Variants in PROM2 observed in about 807,000 individuals in gnomAD.
The protein encoded by PROM2 is prominin 2.
Under a neutral mutation model 110.2 loss-of-function variants are expected in PROM2, and 90 were observed. The ratio of observed to expected loss-of-function variants is 0.82; its 90% CI spans 0.69 to 0.97. The LOEUF is 0.97. Among genes scored for constraint, PROM2 ranks in the 50% least tolerant of loss-of-function variants. The pLI is 0.00. For missense variants in PROM2, 1,009 were observed against 1,074.8 expected, an observed-to-expected ratio of 0.94 and a Z score of 0.86; for synonymous variants, 470 against 467.8, an observed-to-expected ratio of 1.00 and a Z score of -0.06.
rs556206270 is a variant in PROM2, at chr2:95,277,580, A to T, written c.975+14A>T. On this transcript the variant is annotated intron_variant, in intron 7 of 23. Transcript: ENST00000317620. ...GACTTCAGCCAGGTGCAGACCCAGG[A>T]CAGAGTCCTCTTAAAGCCACGGAGG... is the stretch of plus-strand genomic sequence containing the variant. The T allele has an allele frequency of 1.3e-6, 2 of 1,534,846 alleles. No homozygotes were observed. The highest frequency in any genetic ancestry group is 4.5e-5 in the East Asian group (2 of 44,074).
In PROM2 at chr2:95,288,265, C is replaced by A; in HGVS notation, c.2299C>A (p.Arg767Ser). 2 of 1,614,134 alleles carry A rather than the reference C, an allele frequency of 1.2e-6. No individual in the cohort carries two copies. Among genetic ancestry groups the A allele is most frequent in the Non-Finnish European group, 1.7e-6 (2 of 1,180,032 alleles). Residue 767 changes from arginine to serine, a missense_variant, in exon 21 of 24, where the codon CGT (arginine) becomes AGT (serine). Coordinates refer to ENST00000317620, the MANE Select transcript of PROM2 (RefSeq NM_001165978.3). Reference sequence around the variant, plus strand: ...CCTCTCCGGAGCCCTGGACAACAGCCGTGTGATCCTGTGTGACATGATGGC... The same window carrying A: ...CCTCTCCGGAGCCCTGGACAACAGCAGTGTGATCCTGTGTGACATGATGGC... ...QPLSGALDNS[R>S]VILCDMMADP...
chr2:95,288,110 C>G, intron 20 of PROM2, 101 bp from the exon 21 acceptor site: 1 of 1,168,264 alleles, frequency 8.6e-7, no homozygotes, highest in Non-Finnish European at 1.3e-6. Flanking sequence ...TGTCCCCAGG[C>G]CTTTCTGTGT....
At chr2:95,284,588 A>T (rs1207286856) in intron 14 of PROM2, among the ~76,000 whole-genome samples, 1 of 152,214 alleles carries the variant, frequency 6.6e-6, no homozygotes, top group African/African-American at 2.4e-5. Flanking sequence ...TGGCACCGGC[A>T]GCCGTTTCTG....
intron 9 of PROM2, 29 bp downstream of exon 9, chr2:95,278,813 C>G: frequency 1.9e-6 from 3 of 1,613,736 alleles, no homozygotes; most frequent in South Asian, 1.1e-5. Context: ...GAGGCAGCTG[C>G]CAGGCATGGC....
chr2:95,277,064 G>T lies in PROM2; in HGVS notation c.772+3G>T. The stretch of plus-strand genomic sequence containing the variant: ...GGCCGTGGGCAGTTTGGGCCAGGGT[G>T]AGCTGGAGCCGCATCCTGGATAGTG... On this transcript the variant is annotated splice_donor_region_variant and intron_variant, in intron 6 of 23. Transcript: ENST00000317620. The T allele has an allele frequency of 6.5e-7, 1 of 1,550,368 alleles. No individual in the cohort carries two copies. Among genetic ancestry groups the T allele is most frequent in the Non-Finnish European group, 8.7e-7 (1 of 1,146,448 alleles).
At chr2:95,279,622 C>T (rs1676921669) in intron 10 of PROM2, among the ~76,000 whole-genome samples, 1 of 152,158 alleles carries the variant, frequency 6.6e-6, no homozygotes, top group African/African-American at 2.4e-5. Flanking sequence ...AGCCAAGACC[C>T]CTGACTCCAG....
rs776077038 is a variant in PROM2, at chr2:95,279,972, G to A, written c.1402G>A (p.Glu468Lys). The change falls in exon 11 of 24, where the codon GAG (glutamate) becomes AAG (lysine). Residue 468 changes from glutamate to lysine, a missense_variant. By Grantham distance (56) the Glu-to-Lys change is moderately conservative. Coordinates refer to ENST00000317620, the MANE Select transcript of PROM2 (RefSeq NM_001165978.3). Reference sequence around the variant, plus strand: ...CCCCAGCCACCCAGAAGCCAAGGGCGAGGCTGGAGCCCGCTTCCTCATGGC... The same window carrying A: ...CCCCAGCCACCCAGAAGCCAAGGGCAAGGCTGGAGCCCGCTTCCTCATGGC... ...DDPSHPEAKG[E>K]AGARFLMAGV... The A allele has an allele frequency of 2.9e-5, 43 of 1,480,108 alleles. No individual in the cohort carries two copies. In the Admixed American group the frequency reaches 4.7e-4, roughly 16 times the overall value. The allele number at this position is 1,480,108 out of a possible 1,614,324, so 91.7% of individuals were successfully genotyped here.
In PROM2 at chr2:95,274,580, G is replaced by C; in HGVS notation, c.-6G>C. ...CTGAGCCTGAGCCCCTTACCTTCCT[G>C]ACCCCATGAAGCACACACTGGCTCT... On this transcript the variant is annotated 5_prime_UTR_variant, in exon 1 of 24. It removes the in-frame stop codon of an upstream open reading frame in the 5' UTR. Coordinates refer to ENST00000317620, the MANE Select transcript of PROM2 (RefSeq NM_001165978.3). 2 of 1,571,284 alleles carry C rather than the reference G, an allele frequency of 1.3e-6. No homozygotes were observed. The highest frequency in any genetic ancestry group is 1.7e-6 in the Non-Finnish European group (2 of 1,156,266).
rs1480656540 is a variant in PROM2 at position 95,279,158 on chromosome 2, C to T, written c.1274+14C>T. On this transcript the variant is annotated intron_variant, in intron 10 of 23. Transcript: ENST00000317620. ...CGAGACCTACAGGTGCTGGGCACCG[C>T]AGGGTGGGATGGGGTGGGGTGGGGT... is the stretch of plus-strand genomic sequence containing the variant. The T allele has an allele frequency of 2.0e-6, 1 of 509,072 alleles. No individual in the cohort carries two copies. The highest frequency in any genetic ancestry group is 2.1e-5 in the South Asian group (1 of 47,636). The allele number at this position is 509,072 out of a possible 1,614,324, so 31.5% of individuals were successfully genotyped here. A position where few individuals can be genotyped will look rare whatever the true frequency, so the allele number is the denominator to read the frequency against.
chr2:95,279,472 T>C (rs1676908530), intron 10 of PROM2, among the ~76,000 whole-genome samples: 1 of 152,030 alleles, frequency 6.6e-6, no homozygotes, highest in South Asian at 2.1e-4. Context: ...AATTTTTGCA[T>C]TTTTAGTAGA....
In PROM2 at chr2:95,285,698, G is replaced by T; in HGVS notation, c.1935G>T (p.Leu645=). Residue 645 remains leucine, a synonymous_variant, in exon 16 of 24, where the codon CTG becomes CTT. Transcript: ENST00000317620. The stretch of plus-strand genomic sequence containing the variant: ...AGCTGGCCCAGGAGCTGCAAGGACT[G>T]GCCCAGGCCCAAGTGAGTGGGAAAC... ...MEQLAQELQG[L]AQAQDNSVLG... The T allele has an allele frequency of 6.2e-7, 1 of 1,600,490 alleles. No individual in the cohort carries two copies. Among genetic ancestry groups the T allele is most frequent in the Non-Finnish European group, 8.5e-7 (1 of 1,173,228 alleles).
In PROM2 at chr2:95,277,972, C is replaced by T. The variant is rs1558742466; in HGVS notation, c.1018C>T (p.Pro340Ser). The change falls in exon 8 of 24, where the codon CCC becomes TCC. Residue 340 changes from proline (P) to serine (S), a missense_variant. Transcript: ENST00000317620. The stretch of plus-strand genomic sequence containing the variant: ...TGTCCTGCACCAGCTAAAAGGTGTC[C>T]CCGAGGCCAACTTCTCCAGCATGGT... Reference protein sequence around the residue: ...DHVLHQLKGVPEANFSSMVQE... With the variant: ...DHVLHQLKGVSEANFSSMVQE... 1.9e-6 allele frequency: 3 copies of T among 1,611,854 alleles called. No individual in the cohort carries two copies. The highest frequency in any genetic ancestry group is 1.7e-6 in the Non-Finnish European group (2 of 1,179,364).
In PROM2 at chr2:95,287,328, G is replaced by C. The variant is rs1175370617; in HGVS notation, c.2176-68G>C. ...GTCCTCAAGTTGCCAGGCATGGGGG[G>C]TGGCGTGGGTGGGGGGCACTGCTGC... On this transcript the variant is annotated intron_variant, in intron 19 of 23. Transcript: ENST00000317620. 9 of 1,577,510 alleles carry C rather than the reference G, an allele frequency of 5.7e-6. No homozygotes were observed. The South Asian group carries it at 8.9e-5, about 16-fold the overall frequency.
intron 23 of PROM2, 43 bp from the exon 24 acceptor site, chr2:95,289,181 C>T: frequency 1.6e-6 from 1 of 609,238 alleles, no homozygotes; most frequent in Admixed American, 2.8e-5. Flanking sequence ...GCCCTGTTCT[C>T]CCCTCCCTCC....
chr2:95,278,927 T>C, intron 9 of PROM2, 58 bp from the exon 10 acceptor site: 1 of 1,600,526 alleles, frequency 6.2e-7, no homozygotes, highest in Admixed American at 1.7e-5. Context: ...CCCGCTTGTC[T>C]TGTTCCTGGG....
chr2:95,288,951 G>A lies in PROM2; in HGVS notation c.2460G>A (p.Glu820=). The A allele has an allele frequency of 6.2e-7, 1 of 1,614,148 alleles. No individual in the cohort carries two copies. The highest frequency in any genetic ancestry group is 8.5e-7 in the Non-Finnish European group (1 of 1,179,992). ...ACTGCAGCTCCACCAGCTCTGAGGA[G>A]ACTCAGCTCTTCCACATCCCCCGGG... ...RKRLSSTSSE[E]TQLFHIPRVT... is the part of the protein sequence containing the mutation. The change falls in exon 23 of 24, where the codon GAG becomes GAA. Residue 820 remains glutamate, a synonymous_variant. Transcript: ENST00000317620.
rs2104575882 is a variant in PROM2, at chr2:95,277,849, C to T, written c.976-81C>T. 3.3e-6 allele frequency: 4 copies of T among 1,212,310 alleles called. No individual in the cohort carries two copies. In the Admixed American group the frequency reaches 5.5e-5, roughly 17 times the overall value. 75.1% of individuals were successfully genotyped at this position (1,212,310 alleles called of 1,614,324 possible). ...TTGAGGACATTGGGGTTCAGAGGCC[C>T]CTGCCCCCCTCATCCACCCTCAGGG... On this transcript the variant is annotated intron_variant, in intron 7 of 23. Transcript: ENST00000317620.
Position 95,275,139 on chromosome 2 carries a change from G to T in PROM2, c.244+310G>T. 1 of 473,366 alleles carries T rather than the reference G, an allele frequency of 2.1e-6. No individual in the cohort carries two copies. The allele number at this position is 473,366 out of a possible 1,614,324, so 29.3% of individuals were successfully genotyped here. ...TTGGGTGGTCCAGGAGTGTCTGAAGGACCCTCCCAGTCCTGTCCCTTGCTG... is the reference window on the plus strand; with the variant it reads ...TTGGGTGGTCCAGGAGTGTCTGAAGTACCCTCCCAGTCCTGTCCCTTGCTG... On this transcript the variant is annotated intron_variant, in intron 1 of 23. Transcript: ENST00000317620. The surrounding 1 kb of genome is among the most constrained non-coding windows in gnomAD (Gnocchi z 4.4).
rs1247950651 is a variant in PROM2, at chr2:95,276,010, T to TTGCTTC, written c.380_385dup (p.Phe127_Cys128dup). 1 of 1,611,904 alleles carries TTGCTTC rather than the reference T, an allele frequency of 6.2e-7. No homozygotes were observed. The highest frequency in any genetic ancestry group is 8.5e-7 in the Non-Finnish European group (1 of 1,179,844). ...TGCTGCTGGTGCCCACTGCCGGGCTTTGCTTCTGCTGCTGCCGCTGCCACC... is the reference window on the plus strand; with the variant it reads ...TGCTGCTGGTGCCCACTGCCGGGCTTTGCTTCTGCTTCTGCTGCTGCCGCTGCCACC... On this transcript the variant is annotated inframe_insertion, in exon 3 of 24. Transcript: ENST00000317620. The surrounding 1 kb of genome is among the most constrained non-coding windows in gnomAD (Gnocchi z 4.6).
Sources: allele counts gnomAD v4.1 joint callset (sites outside exome capture counted in the v4.1 genomes callset), GRCh38; gene constraint gnomAD v4.1.1; non-coding constraint Gnocchi (gnomAD v3.1); transcripts MANE v1.5; gene names NCBI Gene and HGNC (gene_info 2026-07-23, HGNC 2026-07-21).